Variants in PAK3 observed in about 807,000 individuals in gnomAD.
PAK3 encodes p21 (RAC1) activated kinase 3.
Under a neutral mutation model 41.0 loss-of-function variants are expected in PAK3, and 4 were observed. That is an observed-to-expected ratio of 0.10 (90% CI 0.05 to 0.22). The LOEUF is 0.22. Ranked by LOEUF, PAK3 falls within the 10% of genes least tolerant of loss-of-function variation. PAK3 has a pLI of 1.00. For synonymous variants in PAK3, 146 were observed against 139.6 expected (o/e 1.05, Z -0.32); for missense variants, 205 against 409.9 (o/e 0.50, Z 4.32).
At chrX:111,062,536 A>C (rs1196336492) in intron 1 of PAK3, among the ~76,000 whole-genome samples, 2 of 112,484 alleles carry the variant, frequency 1.8e-5, no homozygotes, top group African/African-American at 6.5e-5. Context: ...AATTGAAGCC[A>C]GACATCTGTA....
chrX:111,182,808 A>G (rs1039150818), intron 11 of PAK3, among the ~76,000 whole-genome samples: 2 of 111,642 alleles, frequency 1.8e-5, no homozygotes, highest in African/African-American at 6.5e-5. Context: ...GATAAAGTCT[A>G]TTTCTAAAAA....
intron 1 of PAK3, among the ~76,000 whole-genome samples, chrX:110,982,281 G>A (rs1210053181): frequency 8.9e-6 from 1 of 111,858 alleles, no homozygotes; most frequent in East Asian, 2.8e-4. Flanking sequence ...TGGTTGTGAG[G>A]ACTTGCACTG....
chrX:111,154,966 A>T (rs1437990929), intron 8 of PAK3, among the ~76,000 whole-genome samples: 1 of 111,525 alleles, frequency 9.0e-6, no homozygotes, highest in African/African-American at 3.3e-5. Context: ...TAAGATATTA[A>T]CTGTTTCTTT....
At chrX:111,214,431 A>G (rs1048412815) in intron 16 of PAK3, among the ~76,000 whole-genome samples, 6 of 111,872 alleles carry the variant, frequency 5.4e-5, no homozygotes, top group African/African-American at 1.9e-4. Context: ...ACTCTCCCCA[A>G]GTGATTCTAA....
intron 1 of PAK3, among the ~76,000 whole-genome samples, chrX:111,027,199 A>G (rs1415454338): frequency 2.2e-5 from 2 of 91,097 alleles, no homozygotes; most frequent in Non-Finnish European, 4.4e-5. Flanking sequence ...ACCTGAAACC[A>G]TGAAGATTCT....
At chrX:110,994,127 A>C (rs994883772) in intron 1 of PAK3, among the ~76,000 whole-genome samples, 10 of 112,235 alleles carry the variant, frequency 8.9e-5, no homozygotes, top group African/African-American at 2.9e-4. Context: ...TTTTGCCGTT[A>C]CAAGCAGTAT....
intron 1 of PAK3, among the ~76,000 whole-genome samples, chrX:110,975,076 A>G (rs1363528534): frequency 2.7e-5 from 3 of 111,990 alleles, no homozygotes; most frequent in Non-Finnish European, 5.6e-5. Flanking sequence ...TCTCACCACT[A>G]CTATTCAACA....
chrX:111,132,497 A>C (rs1362893821), intron 5 of PAK3, among the ~76,000 whole-genome samples: 1 of 110,758 alleles, frequency 9.0e-6, no homozygotes, highest in Non-Finnish European at 1.9e-5. Flanking sequence ...TTCTGGTGTC[A>C]AGCTAGGGAT....
intron 11 of PAK3, among the ~76,000 whole-genome samples, chrX:111,174,221 C>G (rs963759494): frequency 1.8e-5 from 2 of 111,241 alleles, no homozygotes; most frequent in Non-Finnish European, 3.8e-5. Flanking sequence ...CTTTGTTTTT[C>G]CCCCTAGCTT....
intron 1 of PAK3, among the ~76,000 whole-genome samples, chrX:111,057,271 C>T (rs1054006472): frequency 1.8e-5 from 2 of 111,640 alleles, no homozygotes; most frequent in African/African-American, 3.3e-5. Context: ...TACCACCTTA[C>T]TCCTTCAAGA....
chrX:111,087,447 T>A (rs1429234168), intron 1 of PAK3, among the ~76,000 whole-genome samples: 1 of 108,228 alleles, frequency 9.2e-6, no homozygotes. Context: ...GGATTGATTA[T>A]GAAGTGCAAC....
chrX:110,992,430 T>A (rs2091666164), intron 1 of PAK3, among the ~76,000 whole-genome samples: 1 of 109,909 alleles, frequency 9.1e-6, no homozygotes, highest in South Asian at 4.1e-4. Flanking sequence ...ATGACCCAAC[T>A]TATATGAGCT....
chrX:111,018,874 C>T (rs1362115729), intron 1 of PAK3, among the ~76,000 whole-genome samples: 4 of 111,258 alleles, frequency 3.6e-5, no homozygotes, highest in African/African-American at 9.8e-5. Context: ...AATATTGTGG[C>T]ACTGTCATAA....
intron 1 of PAK3, among the ~76,000 whole-genome samples, chrX:111,049,284 G>C (rs1194094924): frequency 1.8e-5 from 2 of 111,745 alleles, no homozygotes; most frequent in Non-Finnish European, 3.8e-5. Flanking sequence ...TTTTATTATT[G>C]TTATAGTATT....
At chrX:111,004,126 T>C (rs140413435) in intron 1 of PAK3, among the ~76,000 whole-genome samples, 1 of 112,592 alleles carries the variant, frequency 8.9e-6, no homozygotes, top group African/African-American at 3.2e-5. Flanking sequence ...ACAGGAAATT[T>C]GTTTGGAGCA....
intron 7 of PAK3, among the ~76,000 whole-genome samples, chrX:111,151,894 A>G (rs955498860): frequency 2.7e-5 from 3 of 112,009 alleles, no homozygotes; most frequent in African/African-American, 9.7e-5. Context: ...TGGTAGTGTA[A>G]ACAGAGTAGG....
chrX:110,974,859 C>T (rs1380985799), intron 1 of PAK3, among the ~76,000 whole-genome samples: 1 of 111,547 alleles, frequency 9.0e-6, no homozygotes, highest in Non-Finnish European at 1.9e-5. Flanking sequence ...ACAACAAAAA[C>T]CACATGATTA....
chrX:110,980,286 C>T lies in PAK3; in HGVS notation c.-28+35658C>T, dbSNP rs140631940. Among the ~76,000 whole-genome samples the T allele has an allele frequency of 2.9e-3, 325 of 111,845 alleles. 3 individuals are homozygous for T. The highest frequency in any genetic ancestry group is 9.8e-3 in the African/African-American group (301 of 30,780). On this transcript the variant is annotated intron_variant, in intron 1 of 14. Transcript: ENST00000425146. ...CATGTTGATAGGTTCCACCCACACT[C>T]AGAGGGGAGGGGATTATACAGAAGC...
At chrX:111,003,123 A>G (rs1373219091) in intron 1 of PAK3, among the ~76,000 whole-genome samples, 4 of 110,385 alleles carry the variant, frequency 3.6e-5, no homozygotes, top group Non-Finnish European at 7.5e-5. Context: ...GTGGAGCATC[A>G]ACTTGCACAG....
Sources: gnomAD v4.1 joint callset for allele counts (sites outside exome capture counted in the v4.1 genomes callset) on GRCh38, gnomAD v4.1.1 for gene constraint, MANE v1.5 for transcripts, NCBI Gene and HGNC (gene_info 2026-07-23, HGNC 2026-07-21) for gene names.